DCAF15: variants seen among roughly 807,000 people sequenced by gnomAD.
DCAF15 encodes the protein DDB1- and CUL4-associated factor 15.
A neutral mutation model predicts 68.0 loss-of-function variants in DCAF15; 24 were observed. That is an observed-to-expected ratio of 0.35 (90% CI 0.26 to 0.50). The LOEUF is 0.50. Among genes scored for constraint, DCAF15 ranks in the 20% least tolerant of loss-of-function variants. The pLI, the probability that DCAF15 is intolerant of heterozygous loss-of-function variation, is 0.98. For synonymous variants in DCAF15, 376 were observed against 341.6 expected, an observed-to-expected ratio of 1.10 and a Z score of -1.11; for missense variants, 627 against 830.6, an observed-to-expected ratio of 0.75 and a Z score of 3.01.
At chr19:13,959,931 C>T (rs1973537775) in intron 9 of DCAF15, 36 bp downstream of exon 9, 5 of 1,103,690 alleles carry the variant, frequency 4.5e-6, no homozygotes, top group Non-Finnish European at 6.1e-6. Context: ...CCCAGGGCCT[C>T]CTGTACTCTG....
Position 13,961,146 on chromosome 19 carries a change from C to T in DCAF15, c.*151C>T. ...GGAACGGGGCTGGGCAGGGCAGCCT[C>T]TGTTGGCCTGAGGGTCTGGACGCTT... On this transcript the variant is annotated 3_prime_UTR_variant, in exon 13 of 13. Coordinates refer to ENST00000254337, the MANE Select transcript of DCAF15 (RefSeq NM_138353.4). The T allele has an allele frequency of 1.1e-6, 1 of 903,564 alleles. No homozygotes were observed. Among genetic ancestry groups the T allele is most frequent in the Non-Finnish European group, 1.7e-6 (1 of 583,024 alleles). 56.0% of individuals were successfully genotyped at this position (903,564 alleles called of 1,614,324 possible).
Position 13,959,805 on chromosome 19 carries a change from C to T in DCAF15, c.1350C>T (p.Phe450=), listed in dbSNP as rs778091615. The T allele has an allele frequency of 4.3e-6, 7 of 1,610,002 alleles. No homozygotes were observed. The highest frequency in any genetic ancestry group is 2.2e-5 in the South Asian group (2 of 91,052). The change falls in exon 9 of 13, where the codon TTC becomes TTT. Residue 450 remains phenylalanine (F), a synonymous_variant. Coordinates refer to ENST00000254337, the MANE Select transcript of DCAF15 (RefSeq NM_138353.4). ...YLTVEQLTLD[F]EYVINEVIRH... The stretch of plus-strand genomic sequence containing the variant: ...CAGTGGAGCAGCTCACACTAGACTT[C>T]GAATATGTTATCAATGAGGTCATCC...
At chr19:13,958,535 A>G (rs1369148488) in intron 6 of DCAF15, among the ~76,000 whole-genome samples, 1 of 152,096 alleles carries the variant, frequency 6.6e-6, no homozygotes, top group East Asian at 1.9e-4. Flanking sequence ...TGTTCCCCAC[A>G]TTCCTTGGGG....
chr19:13,953,017 G>C (rs917281511), intron 1 of DCAF15: 1 of 1,319,242 alleles, frequency 7.6e-7, no homozygotes, highest in Non-Finnish European at 1.1e-6. Context: ...GAACCTTCCC[G>C]CCCCCTTTGC....
rs1032670517 is a variant in DCAF15, at chr19:13,959,333, A to C, written c.1073A>C (p.His358Pro). 6.2e-7 allele frequency: 1 copy of C among 1,605,762 alleles called. No homozygotes were observed. The highest frequency in any genetic ancestry group is 8.5e-7 in the Non-Finnish European group (1 of 1,179,684). Residue 358 changes from histidine to proline, a missense_variant, in exon 7 of 13, where the codon CAC (histidine) becomes CCC (proline). Physicochemically the swap from His to Pro is moderately conservative, Grantham distance 77 (BLOSUM62 -2). This residue lies in a region of DCAF15 where 236 missense variants were observed against 225.1 expected (regional missense o/e 1.05). Coordinates refer to ENST00000254337, the MANE Select transcript of DCAF15 (RefSeq NM_138353.4). Reference protein sequence around the residue: ...PGPSGSRCRAHSEPLALCGET... With the variant: ...PGPSGSRCRAPSEPLALCGET... Reference sequence around the variant, plus strand: ...CCCTCTGGCAGCCGCTGCCGTGCGCACTCTGAGCCCCTAGCCCTGTGTGGA... The same window carrying C: ...CCCTCTGGCAGCCGCTGCCGTGCGCCCTCTGAGCCCCTAGCCCTGTGTGGA...
intron 3 of DCAF15, 62 bp downstream of exon 3, chr19:13,954,723 CCT>C (rs745544351): frequency 2.5e-6 from 4 of 1,569,096 alleles, no homozygotes; most frequent in Non-Finnish European, 3.5e-6. Context: ...GTCACAGCAA[CCT>C]CTGAGCCTCA....
At chr19:13,955,046 C>T (rs1973295288) in intron 3 of DCAF15, among the ~76,000 whole-genome samples, 1 of 151,860 alleles carries the variant, frequency 6.6e-6, no homozygotes, top group South Asian at 2.1e-4. Flanking sequence ...TTTGAGGCTG[C>T]AGTGAGCCAT....
chr19:13,960,425 G>C, intron 11 of DCAF15, 34 bp downstream of exon 11: 2 of 1,612,796 alleles, frequency 1.2e-6, no homozygotes, highest in Non-Finnish European at 1.7e-6. Flanking sequence ...GTCAGGGCGC[G>C]GCCAAGGCGA....
In DCAF15 at chr19:13,956,229, G is replaced by A; in HGVS notation, c.580G>A (p.Ala194Thr). ...GGCCGTGCCACCGCCAGGCCGCTGT[G>A]CTGCTTGCCAGGATGCCAGCCGAGC... Reference protein sequence around the residue: ...TVAVPPPGRCAACQDASRAHP... With the variant: ...TVAVPPPGRCTACQDASRAHP... The change falls in exon 5 of 13, where the codon GCT becomes ACT. Residue 194 changes from alanine to threonine, a missense_variant. Physicochemically the swap from Ala to Thr is moderately conservative, Grantham distance 58 (BLOSUM62 0). This residue lies in a region of DCAF15 where 273 missense variants were observed against 393.7 expected (regional missense o/e 0.69). Transcript: ENST00000254337. The A allele has an allele frequency of 6.2e-7, 1 of 1,612,402 alleles. No individual in the cohort carries two copies. Among genetic ancestry groups the A allele is most frequent in the Admixed American group, 1.7e-5 (1 of 59,980 alleles).
At chr19:13,957,349 C>T (rs1175678114) in intron 6 of DCAF15, among the ~76,000 whole-genome samples, 4 of 152,202 alleles carry the variant, frequency 2.6e-5, no homozygotes, top group African/African-American at 9.6e-5. Flanking sequence ...CTATGACTGA[C>T]CCAGCTGCCC....
chr19:13,960,572 T>C lies in DCAF15; in HGVS notation c.1739T>C (p.Leu580Pro). 6.3e-7 allele frequency: 1 copy of C among 1,587,252 alleles called. No individual in the cohort carries two copies. The highest frequency in any genetic ancestry group is 8.6e-7 in the Non-Finnish European group (1 of 1,168,230). ...GTCAACAGGATGACCAATGAGGCGCTGCACAAAGGTGGGGCTCGGTGACCC... is the reference window on the plus strand; with the variant it reads ...GTCAACAGGATGACCAATGAGGCGCCGCACAAAGGTGGGGCTCGGTGACCC... ...RYVNRMTNEA[L>P]HKGCSLKVLA... is the part of the protein sequence containing the mutation. The change falls in exon 12 of 13, where the codon CTG (leucine) becomes CCG (proline). Residue 580 changes from leucine (L) to proline (P), a missense_variant. Transcript: ENST00000254337.
Position 13,959,521 on chromosome 19 carries a change from G to T in DCAF15, c.1219+42G>T, listed in dbSNP as rs1371523534. On this transcript the variant is annotated intron_variant, in intron 7 of 12. Coordinates refer to ENST00000254337, the MANE Select transcript of DCAF15 (RefSeq NM_138353.4). The stretch of plus-strand genomic sequence containing the variant: ...CATGTGACAGGGCCTGGGATGGAGA[G>T]GCCAGCCCAGACGGGGCCCCTGGCC... 3.7e-6 allele frequency: 6 copies of T among 1,610,938 alleles called. No homozygotes were observed. In the Admixed American group the frequency reaches 6.7e-5, roughly 18 times the overall value.
At chr19:13,956,712 C>T (rs1381741646) in intron 6 of DCAF15, among the ~76,000 whole-genome samples, 190 bp downstream of exon 6, 1 of 152,256 alleles carries the variant, frequency 6.6e-6, no homozygotes, top group Non-Finnish European at 1.5e-5. Context: ...GGGATCTTTC[C>T]AGTGGCTGAG....
In DCAF15 at chr19:13,956,363, G is replaced by A. The variant is rs1236691828; in HGVS notation, c.625G>A (p.Ala209Thr). The A allele has an allele frequency of 6.2e-7, 1 of 1,613,766 alleles. No individual in the cohort carries two copies. Among genetic ancestry groups the A allele is most frequent in the African/African-American group, 1.3e-5 (1 of 75,050 alleles). ...GTGTGTTGCTACAGGAGACCCGAAT[G>A]CACAGTGCCTACGGCATGGCTTCAT... is the stretch of plus-strand genomic sequence containing the variant. ...ASRAHPGDPN[A>T]QCLRHGFMLH... is the part of the protein sequence containing the mutation. The change falls in exon 6 of 13, where the codon GCA (alanine) becomes ACA (threonine). Residue 209 changes from alanine (A) to threonine (T), a missense_variant. Coordinates refer to ENST00000254337, the MANE Select transcript of DCAF15 (RefSeq NM_138353.4).
rs751318136 is a variant in DCAF15, at chr19:13,959,592, C to T, written c.1230C>T (p.Asp410=). The change falls in exon 8 of 13, where the codon GAC becomes GAT. Residue 410 remains aspartate, a synonymous_variant. Transcript: ENST00000254337. ...TTCCTGCCTCCCCAGAGTTGGAGGACGACAAGATCTCCCTGCCCTTCGTGG... is the reference window on the plus strand; with the variant it reads ...TTCCTGCCTCCCCAGAGTTGGAGGATGACAAGATCTCCCTGCCCTTCGTGG... The part of the protein sequence containing the change: ...EGTEPEDELE[D]DKISLPFVVT... The T allele has an allele frequency of 1.4e-5, 23 of 1,613,018 alleles. No individual in the cohort carries two copies. Among genetic ancestry groups the T allele is most frequent in the Admixed American group, 3.3e-5 (2 of 59,986 alleles).
chr19:13,959,148 CA>C lies in DCAF15; in HGVS notation c.889del (p.Ser297AlafsTer66). On this transcript the variant is annotated frameshift_variant, in exon 7 of 13. Transcript: ENST00000254337. LOFTEE classifies it high-confidence loss of function. ...GCCCAGAGCTGCCCCCTGCCCTCCC[CA>C]GCTTCTGCCCTGAGGCGGCCCCAGC... ...QSPELPPALP[S>X]FCPEAAPARS... 1 of 1,612,778 alleles carries C rather than the reference CA, an allele frequency of 6.2e-7. No individual in the cohort carries two copies. Among genetic ancestry groups the C allele is most frequent in the Non-Finnish European group, 8.5e-7 (1 of 1,179,890 alleles).
At chr19:13,954,026 C>T (rs1285764905) in intron 1 of DCAF15, among the ~76,000 whole-genome samples, 1 of 152,108 alleles carries the variant, frequency 6.6e-6, no homozygotes, top group African/African-American at 2.4e-5. Context: ...CAGCGTGGGA[C>T]AGGGTGATTG....
Position 13,959,903 on chromosome 19 carries a change from C to CAGGGCGGGCAGGGTGGGCCA in DCAF15, c.1440+27_1440+28insAAGGGCGGGCAGGGTGGGCC. On this transcript the variant is annotated intron_variant, in intron 9 of 12. Transcript: ENST00000254337. The stretch of plus-strand genomic sequence containing the variant: ...GACATCGTCATTCTGGAGGTGGGCC[C>CAGGGCGGGCAGGGTGGGCCA]AGGGCGGGCAGGGTGGGCCCAGGGC... 1.2e-6 allele frequency: 2 copies of CAGGGCGGGCAGGGTGGGCCA among 1,611,996 alleles called. No individual in the cohort carries two copies. Among genetic ancestry groups the CAGGGCGGGCAGGGTGGGCCA allele is most frequent in the South Asian group, 2.2e-5 (2 of 91,034 alleles).
intron 1 of DCAF15, 126 bp from the exon 2 acceptor site, chr19:13,954,214 C>A (rs1973235327): frequency 1.3e-6 from 1 of 783,936 alleles, no homozygotes; most frequent in Admixed American, 2.3e-5. Context: ...GCTTGGCCTT[C>A]TTTTGACCAT....
Sources: gnomAD v4.1 joint callset for allele counts (sites outside exome capture counted in the v4.1 genomes callset) on GRCh38, gnomAD v4.1.1 for gene constraint, gnomAD v4.1.1 regional missense constraint, MANE v1.5 for transcripts, NCBI Gene and HGNC (gene_info 2026-07-23, HGNC 2026-07-21) for gene names.